The following CC2D2B variants were observed in gnomAD, a reference collection of about 807,000 sequenced individuals.
CC2D2B encodes coiled-coil and C2 domain containing 2B, also known as protein CC2D2B.
Under a neutral mutation model 161.2 loss-of-function variants are expected in CC2D2B, and 128 were observed. That is an observed-to-expected ratio of 0.79 (90% CI 0.69 to 0.92). The LOEUF is 0.92. Ranked by LOEUF, CC2D2B falls within the 40% of genes least tolerant of loss-of-function variation. The pLI is 0.00. For synonymous variants in CC2D2B, 391 were observed against 449.8 expected, an observed-to-expected ratio of 0.87 and a Z score of 1.65; for missense variants, 1,173 against 1,375.1, an observed-to-expected ratio of 0.85 and a Z score of 2.32.
intron 34 of CC2D2B, among the ~76,000 whole-genome samples, chr10:96,028,212 C>A (rs539974381): frequency 6.6e-6 from 1 of 151,988 alleles, no homozygotes; most frequent in South Asian, 2.1e-4. Flanking sequence ...AGAAAATATT[C>A]GGAAACTACC....
intron 2 of CC2D2B, chr10:95,913,496 C>T (rs1261442728): frequency 1.9e-5 from 6 of 322,122 alleles, no homozygotes; most frequent in Admixed American, 1.1e-4. Flanking sequence ...AGTGGAATTG[C>T]TGGATCATAT....
At chr10:95,945,675 C>T (rs2076170235) in intron 9 of CC2D2B, among the ~76,000 whole-genome samples, 1 of 152,026 alleles carries the variant, frequency 6.6e-6, no homozygotes, top group Admixed American at 6.6e-5. Flanking sequence ...AACACACTTA[C>T]CTAGTTCTAG....
chr10:95,971,779 T>C (rs1470987953), intron 15 of CC2D2B, among the ~76,000 whole-genome samples: 2 of 152,230 alleles, frequency 1.3e-5, no homozygotes, highest in Non-Finnish European at 2.9e-5. Context: ...AAAGTGCTAC[T>C]CAAAATTGCT....
chr10:95,975,512 G>C (rs1355765349), intron 17 of CC2D2B, among the ~76,000 whole-genome samples: 2 of 152,140 alleles, frequency 1.3e-5, no homozygotes, highest in Non-Finnish European at 2.9e-5. Flanking sequence ...AAAAATTGGG[G>C]CCATATTTAT....
At chr10:95,963,494 A>G (rs186984650) in intron 12 of CC2D2B, among the ~76,000 whole-genome samples, 1 of 152,176 alleles carries the variant, frequency 6.6e-6, no homozygotes, top group Admixed American at 6.6e-5. Flanking sequence ...GTGGGCAGCT[A>G]CGTGCATGGT....
At position 96,025,171 on chromosome 10, in the gene CC2D2B, ATATATAT is replaced by A. The variant is rs1564683798; in HGVS notation, c.3947+261_3947+267del. 2.6e-3 allele frequency among the ~76,000 whole-genome samples: 64 copies of A among 24,850 alleles called. 1 individual carries two copies. Among genetic ancestry groups the A allele is most frequent in the Non-Finnish European group, 2.7e-3 (39 of 14,302 alleles). 16.3% of individuals were successfully genotyped at this position (24,850 alleles called of 152,430 possible). On this transcript the variant is annotated intron_variant, in intron 33 of 34. Coordinates refer to ENST00000646931, the MANE Select transcript of CC2D2B (RefSeq NM_001349008.3). ...TAAAAAAAAATATATATATATATAT[ATATATAT>A]ATATATAAAAAAAAATATATATATA...
At chr10:96,023,973 C>T (rs2079579763) in intron 32 of CC2D2B, among the ~76,000 whole-genome samples, 2 of 152,224 alleles carry the variant, frequency 1.3e-5, no homozygotes, top group Admixed American at 1.3e-4. Context: ...ACCCTCATTC[C>T]ACTCACGAAG....
At chr10:95,935,155 G>A (rs2075773290) in intron 6 of CC2D2B, among the ~76,000 whole-genome samples, 1 of 152,194 alleles carries the variant, frequency 6.6e-6, no homozygotes, top group South Asian at 2.1e-4. Flanking sequence ...ACAGGCGTGA[G>A]CCACCACATC....
intron 9 of CC2D2B, among the ~76,000 whole-genome samples, chr10:95,949,565 CGTT>C (rs1027302098): frequency 6.5e-5 from 8 of 123,676 alleles, no homozygotes; most frequent in Admixed American, 1.7e-4. Context: ...CTAGATGACA[CGTT>C]AGTGGGTGCA....
In CC2D2B at chr10:95,938,122, C is replaced by A; in HGVS notation, c.468C>A (p.Asp156Glu). 1 of 1,549,818 alleles carries A rather than the reference C, an allele frequency of 6.5e-7. No homozygotes were observed. The highest frequency in any genetic ancestry group is 8.7e-7 in the Non-Finnish European group (1 of 1,145,442). ...ATATACTCAAAGTAAAAGCTGCTGA[C>A]TATGAAGATGATCAAGAACAAATAA... ...LTDILKVKAA[D>E]YEDDQEQIKK... Residue 156 changes from aspartate to glutamate, a missense_variant, in exon 7 of 35, where the codon GAC becomes GAA. By Grantham distance (45) the Asp-to-Glu change is conservative. Around this residue, in one of 3 missense-constraint regions of CC2D2B, gnomAD observed 298 missense variants for 261.2 expected, o/e 1.14. Transcript: ENST00000646931.
Position 95,996,220 on chromosome 10 carries a change from A to T in CC2D2B, c.2817A>T (p.Pro939=), listed in dbSNP as rs2078225036. 6.6e-7 allele frequency: 1 copy of T among 1,504,398 alleles called. No individual in the cohort carries two copies. Among genetic ancestry groups the T allele is most frequent in the Non-Finnish European group, 8.9e-7 (1 of 1,125,902 alleles). 93.2% of individuals were successfully genotyped at this position (1,504,398 alleles called of 1,614,324 possible). ...CCAATACAGCAAGTGGATCTCATCC[A>T]TGCTGGAATGAAGAAATTAAAGTAG... ...YKTNTASGSH[P]CWNEEIKVDF... is the part of the protein sequence containing the mutation. The change falls in exon 24 of 35, where the codon CCA becomes CCT. Residue 939 remains proline (P), a synonymous_variant. Transcript: ENST00000646931.
At chr10:95,932,423 C>T (rs938388287) in intron 6 of CC2D2B, among the ~76,000 whole-genome samples, 13 of 152,102 alleles carry the variant, frequency 8.5e-5, no homozygotes, top group African/African-American at 2.2e-4. Context: ...ACTGTCATTA[C>T]GATGCTAGCT....
intron 20 of CC2D2B, among the ~76,000 whole-genome samples, chr10:95,990,888 G>A (rs1278303370): frequency 6.6e-6 from 1 of 152,178 alleles, no homozygotes; most frequent in Admixed American, 6.5e-5. Context: ...TTCAAGCACT[G>A]ACTTTCTTGC....
intron 24 of CC2D2B, among the ~76,000 whole-genome samples, chr10:95,997,251 A>G (rs1208016324): frequency 6.6e-6 from 1 of 152,160 alleles, no homozygotes; most frequent in Non-Finnish European, 1.5e-5. Context: ...GTTGATGAAC[A>G]TTGGTCTTTT....
At chr10:95,936,068 G>A (rs1014494483) in intron 6 of CC2D2B, among the ~76,000 whole-genome samples, 4 of 152,152 alleles carry the variant, frequency 2.6e-5, no homozygotes, top group African/African-American at 9.7e-5. Context: ...AAAAACAAAA[G>A]CGGGCCGTGT....
rs1220095379 is a variant in CC2D2B at position 95,924,362 on chromosome 10, A to C, written c.146A>C (p.Lys49Thr). 7.2e-6 allele frequency: 11 copies of C among 1,524,174 alleles called. No individual in the cohort carries two copies. The highest frequency in any genetic ancestry group is 1.4e-5 in the African/African-American group (1 of 71,510). The allele number at this position is 1,524,174 out of a possible 1,614,324, so 94.4% of individuals were successfully genotyped here. A position where few individuals can be genotyped will look rare whatever the true frequency, so the allele number is the denominator to read the frequency against. Residue 49 changes from lysine (K) to threonine (T), a missense_variant, in exon 4 of 35, where the codon AAA becomes ACA. Around this residue, in one of 3 missense-constraint regions of CC2D2B, gnomAD observed 298 missense variants for 261.2 expected, o/e 1.14. Transcript: ENST00000646931. Reference protein sequence around the residue: ...NQNVAKTLRGKVREKLKISKI... With the variant: ...NQNVAKTLRGTVREKLKISKI... ...AATGTAGCAAAGACATTGAGAGGCA[A>C]AGTGAGAGAAAAGCTAAAAATTTCT...
chr10:96,025,184 T>TATAA (rs2079683102), intron 33 of CC2D2B, among the ~76,000 whole-genome samples: 2 of 20,636 alleles, frequency 9.7e-5, no homozygotes, highest in Admixed American at 1.4e-3. Context: ...TATATATATA[T>TATAA]AAAAAAAAAT....
chr10:96,018,987 G>T, intron 30 of CC2D2B: 1 of 384,262 alleles, frequency 2.6e-6, no homozygotes, highest in Non-Finnish European at 4.6e-6. Context: ...AATTTTTTGT[G>T]ATAGATACAG....
At chr10:95,921,167 GGC>G (rs2098526438) in intron 2 of CC2D2B, 1 of 152,322 alleles carries the variant, frequency 6.6e-6, no homozygotes, top group Non-Finnish European at 1.5e-5. Flanking sequence ...ATGGTGGTGG[GGC>G]TAGCTGGAAG....
Sources: allele counts gnomAD v4.1 joint callset (sites outside exome capture counted in the v4.1 genomes callset), GRCh38; gene constraint gnomAD v4.1.1; regional missense constraint gnomAD v4.1.1; transcripts MANE v1.5; gene names NCBI Gene and HGNC (gene_info 2026-07-23, HGNC 2026-07-21).